Variants in ZNF469 observed in about 807,000 individuals in gnomAD.
ZNF469 encodes the protein zinc finger protein 469.
A neutral mutation model predicts 1.0 loss-of-function variants in ZNF469; 1 was observed. The ratio of observed to expected loss-of-function variants is 1.00; its 90% CI spans 0.35 to 4.73. The LOEUF (loss-of-function observed/expected upper bound fraction) is 4.73, where lower values mean the gene tolerates loss of function less well. Ranked by LOEUF, ZNF469 falls within the 30% of genes most tolerant of loss-of-function variation. ZNF469 has a pLI of 0.16. For synonymous variants in ZNF469, 2,703 were observed against 2,363.4 expected, an observed-to-expected ratio of 1.14 and a Z score of -4.17; for missense variants, 6,100 against 5,356.3, an observed-to-expected ratio of 1.14 and a Z score of -4.33.
chr16:88,163,677 G>C, the ZNF469 span, among the ~76,000 whole-genome samples: 10 of 151,550 alleles, frequency 6.6e-5, no homozygotes, highest in Admixed American at 3.9e-4. Context: ...TGGGTGGGCA[G>C]ATATATGGGT....
chr16:88,323,444 T>G, the ZNF469 span, among the ~76,000 whole-genome samples: 5 of 152,198 alleles, frequency 3.3e-5, no homozygotes, highest in Admixed American at 6.5e-5. Context: ...CTGTAGCATT[T>G]GTGTTTTGAT....
At chr16:88,170,527 C>T in the ZNF469 span, among the ~76,000 whole-genome samples, 3 of 152,174 alleles carry the variant, frequency 2.0e-5, no homozygotes, top group Non-Finnish European at 4.4e-5. This position sits in a 1 kb window ranked among gnomAD's most constrained non-coding sequence, Gnocchi z 4.2. Flanking sequence ...TAAGTGAGAT[C>T]GTGCAGTGTT....
the ZNF469 span, among the ~76,000 whole-genome samples, chr16:88,165,238 T>G: frequency 2.0e-5 from 3 of 152,224 alleles, no homozygotes; most frequent in Non-Finnish European, 4.4e-5. Context: ...AAAGGCTGCC[T>G]GTCACCTCCC....
At chr16:88,102,623 C>T in the ZNF469 span, among the ~76,000 whole-genome samples, 4 of 152,094 alleles carry the variant, frequency 2.6e-5, no homozygotes, top group East Asian at 1.9e-4. Context: ...TGGTCCCATC[C>T]GTCCTCACAG....
At chr16:88,382,754 G>C (rs149464812), upstream of ZNF469, among the ~76,000 whole-genome samples, 613 of 152,352 alleles carry the variant, frequency 4.0e-3, 8 homozygotes, top group African/African-American at 0.014. Flanking sequence ...CAGCGTTTCC[G>C]TCTCAGCAGC....
chr16:88,133,169 C>T, the ZNF469 span, among the ~76,000 whole-genome samples: 12 of 152,370 alleles, frequency 7.9e-5, no homozygotes, highest in African/African-American at 2.6e-4. Flanking sequence ...CAGCACCTCA[C>T]TCGGGAAGGC....
chr16:88,239,715 ATTTTTTTTTTTT>A, the ZNF469 span, among the ~76,000 whole-genome samples: 12 of 6,790 alleles, frequency 1.8e-3, no homozygotes, highest in African/African-American at 5.4e-3. Context: ...ATATATATAT[ATTTTTTTTTTTT>A]TTTTTTTTTT....
intron 1 of ZNF469, among the ~76,000 whole-genome samples, chr16:88,394,302 C>A (rs1203022356): frequency 6.6e-6 from 1 of 152,184 alleles, no homozygotes; most frequent in Non-Finnish European, 1.5e-5. Context: ...CACGTCTACA[C>A]CTGTGCTGTC....
chr16:88,423,869 A>AGCACC (rs1905588701), intron 1 of ZNF469, among the ~76,000 whole-genome samples: 2 of 152,264 alleles, frequency 1.3e-5, no homozygotes, highest in African/African-American at 4.8e-5. Flanking sequence ...CTTGAAGTCC[A>AGCACC]GCACCCCTCC....
chr16:88,250,971 G>A, the ZNF469 span, among the ~76,000 whole-genome samples: 4 of 152,076 alleles, frequency 2.6e-5, no homozygotes, highest in Non-Finnish European at 4.4e-5. Context: ...TCTGCCTCCC[G>A]GGTTCAAGCG....
chr16:88,437,147 A>C lies in ZNF469; in HGVS notation c.9677A>C (p.His3226Pro). Reference sequence around the variant, plus strand: ...CTGGAGGGCAGCAGCGCTGTCGCCCACCTTCTGAACAGCATCACGGAACCC... The same window carrying C: ...CTGGAGGGCAGCAGCGCTGTCGCCCCCCTTCTGAACAGCATCACGGAACCC... ...GGLEGSSAVA[H>P]LLNSITEPAP... The change falls in exon 3 of 3, where the codon CAC (histidine) becomes CCC (proline). Residue 3226 changes from histidine (H) to proline (P), a missense_variant. Physicochemically the swap from His to Pro is moderately conservative, Grantham distance 77. Coordinates refer to ENST00000565624, the MANE Select transcript of ZNF469 (RefSeq NM_001367624.2). 1.3e-6 allele frequency: 2 copies of C among 1,549,092 alleles called. No homozygotes were observed. The highest frequency in any genetic ancestry group is 1.7e-6 in the Non-Finnish European group (2 of 1,146,590).
chr16:88,107,676 G>A, the ZNF469 span, among the ~76,000 whole-genome samples: 1 of 152,240 alleles, frequency 6.6e-6, no homozygotes, highest in East Asian at 1.9e-4. Context: ...TAAGGAAGAG[G>A]CAGAGGAAGA....
the ZNF469 span, among the ~76,000 whole-genome samples, chr16:88,265,989 G>C: frequency 2.0e-5 from 3 of 152,230 alleles, no homozygotes; most frequent in Non-Finnish European, 4.4e-5. Flanking sequence ...GGCCCTGAGT[G>C]CCCGGCCAGC....
the ZNF469 span, among the ~76,000 whole-genome samples, chr16:88,282,699 C>T: frequency 5.4e-3 from 827 of 152,332 alleles, 9 homozygotes; most frequent in African/African-American, 0.019. Context: ...CAGAGTCCCA[C>T]AGGGAAGAGC....
At chr16:88,236,104 C>G in the ZNF469 span, among the ~76,000 whole-genome samples, 1 of 152,222 alleles carries the variant, frequency 6.6e-6, no homozygotes, top group African/African-American at 2.4e-5. Flanking sequence ...GAAGAAATCT[C>G]ATAGGGGGCT....
At chr16:88,240,565 G>T in the ZNF469 span, among the ~76,000 whole-genome samples, 3 of 152,154 alleles carry the variant, frequency 2.0e-5, no homozygotes, top group Non-Finnish European at 4.4e-5. Flanking sequence ...CCACAGAGAC[G>T]CAGATGCATC....
At chr16:88,243,442 G>A in the ZNF469 span, among the ~76,000 whole-genome samples, 2 of 152,312 alleles carry the variant, frequency 1.3e-5, no homozygotes, top group African/African-American at 2.4e-5. Context: ...GGCACAGAGC[G>A]TCCATCAGTT....
Position 88,434,769 on chromosome 16 carries a change from T to G in ZNF469, c.7299T>G (p.Thr2433=). The change falls in exon 3 of 3, where the codon ACT becomes ACG. Residue 2433 remains threonine (T), a synonymous_variant. Coordinates refer to ENST00000565624, the MANE Select transcript of ZNF469 (RefSeq NM_001367624.2). ...GCCACAGAAATGCCTCCCACCAGAC[T>G]CCCCAGGGGGACCCCCTCGGCCCCC... is the stretch of plus-strand genomic sequence containing the variant. ...PQSHRNASHQ[T]PQGDPLGPQD... The G allele has an allele frequency of 1.3e-6, 2 of 1,549,906 alleles. No homozygotes were observed. Among genetic ancestry groups the G allele is most frequent in the Non-Finnish European group, 1.7e-6 (2 of 1,146,868 alleles).
chr16:88,376,321 G>A, the ZNF469 span, among the ~76,000 whole-genome samples: 5 of 152,262 alleles, frequency 3.3e-5, no homozygotes, highest in Non-Finnish European at 5.9e-5. Flanking sequence ...GGACAGTGGC[G>A]ATTCGGACTG....
Sources: gnomAD v4.1 joint callset for allele counts (sites outside exome capture counted in the v4.1 genomes callset) on GRCh38, gnomAD v4.1.1 for gene constraint, Gnocchi (gnomAD v3.1) non-coding constraint, MANE v1.5 for transcripts, NCBI Gene and HGNC (gene_info 2026-07-23, HGNC 2026-07-21) for gene names.